Variants in REDIC1 observed in about 807,000 individuals in gnomAD.
REDIC1 encodes the protein regulator of DNA class I crossover intermediates 1.
chr12:39,697,696 C>A, the REDIC1 span, among the ~76,000 whole-genome samples: 4 of 152,100 alleles, frequency 2.6e-5, no homozygotes, highest in Admixed American at 6.6e-5. Flanking sequence ...AGCTTAAAAT[C>A]ATGAGTTCTA....
the REDIC1 span, among the ~76,000 whole-genome samples, chr12:39,651,758 A>G: frequency 2.0e-5 from 3 of 152,198 alleles, no homozygotes; most frequent in Non-Finnish European, 4.4e-5. Context: ...CATAAAATAA[A>G]CTAAACTTAT....
At chr12:39,699,091 C>T in the REDIC1 span, among the ~76,000 whole-genome samples, 3 of 152,066 alleles carry the variant, frequency 2.0e-5, no homozygotes, top group African/African-American at 7.2e-5. Context: ...AAACATTTAT[C>T]TAGACTAAGA....
the REDIC1 span, among the ~76,000 whole-genome samples, chr12:39,687,635 T>C: frequency 1.3e-5 from 2 of 152,208 alleles, no homozygotes; most frequent in Non-Finnish European, 2.9e-5. Context: ...TCTCCAACAC[T>C]GGGGATTATA....
the REDIC1 span, among the ~76,000 whole-genome samples, chr12:39,827,967 T>G: frequency 1.3e-5 from 2 of 152,124 alleles, no homozygotes; most frequent in Non-Finnish European, 2.9e-5. Context: ...CTAGAGATAG[T>G]ATATCTCTAG....
the REDIC1 span, among the ~76,000 whole-genome samples, chr12:39,881,016 A>T: frequency 3.9e-5 from 6 of 152,366 alleles, no homozygotes; most frequent in African/African-American, 1.4e-4. Flanking sequence ...GTTACATGTG[A>T]TTGTTCCCAA....
the REDIC1 span, among the ~76,000 whole-genome samples, chr12:39,897,605 G>C: frequency 5.4e-4 from 82 of 152,258 alleles, no homozygotes; most frequent in African/African-American, 1.8e-3. Context: ...CCAACCACAT[G>C]CAGCTCTTGA....
chr12:39,774,897 A>G, the REDIC1 span, among the ~76,000 whole-genome samples: 1 of 152,218 alleles, frequency 6.6e-6, no homozygotes, highest in Admixed American at 6.5e-5. Flanking sequence ...AAATTAAAAC[A>G]ATGATAACAT....
the REDIC1 span, among the ~76,000 whole-genome samples, chr12:39,630,267 A>C: frequency 6.6e-6 from 1 of 152,238 alleles, no homozygotes; most frequent in Non-Finnish European, 1.5e-5. Flanking sequence ...GCAAAATGCT[A>C]TTCAGAATCA....
chr12:39,730,645 C>T, the REDIC1 span, among the ~76,000 whole-genome samples: 3 of 152,248 alleles, frequency 2.0e-5, no homozygotes, highest in South Asian at 4.2e-4. Context: ...CTTGGGGTTG[C>T]TCTTCTTGAG....
At chr12:39,839,672 C>T in the REDIC1 span, among the ~76,000 whole-genome samples, 5 of 151,950 alleles carry the variant, frequency 3.3e-5, no homozygotes, top group African/African-American at 1.2e-4. Flanking sequence ...TTTCTTTCTC[C>T]TTTGCTTCTG....
the REDIC1 span, among the ~76,000 whole-genome samples, chr12:39,836,316 G>A: frequency 1.3e-5 from 2 of 152,066 alleles, no homozygotes; most frequent in African/African-American, 2.4e-5. Context: ...GGAAATTAGA[G>A]TCCAGGCAAG....
At chr12:39,664,738 T>C in the REDIC1 span, among the ~76,000 whole-genome samples, 12 of 152,366 alleles carry the variant, frequency 7.9e-5, no homozygotes, top group East Asian at 2.3e-3. Flanking sequence ...CCAGCATCTG[T>C]TGTTTCCTGG....
the REDIC1 span, among the ~76,000 whole-genome samples, chr12:39,847,266 T>C: frequency 6.8e-6 from 1 of 146,556 alleles, no homozygotes; most frequent in African/African-American, 2.5e-5. Context: ...GTAGCAAAGA[T>C]TGCTAGTGGC....
the REDIC1 span, among the ~76,000 whole-genome samples, chr12:39,653,573 T>TTTC: frequency 1.6e-5 from 1 of 63,524 alleles, no homozygotes; most frequent in African/African-American, 5.3e-5. Flanking sequence ...TCTTCTTCTT[T>TTTC]TTCTTCCTCT....
chr12:39,900,991 A>T, the REDIC1 span, among the ~76,000 whole-genome samples: 8 of 152,266 alleles, frequency 5.3e-5, no homozygotes, highest in East Asian at 1.5e-3. Context: ...CAAAACAGAG[A>T]TATAGATCAA....
chr12:39,742,823 T>C, the REDIC1 span, among the ~76,000 whole-genome samples: 6 of 152,204 alleles, frequency 3.9e-5, no homozygotes, highest in Non-Finnish European at 8.8e-5. Flanking sequence ...GGAAAATTGC[T>C]GTCCCCCAAA....
At chr12:39,879,256 A>G in the REDIC1 span, among the ~76,000 whole-genome samples, 1 of 152,216 alleles carries the variant, frequency 6.6e-6, no homozygotes, top group African/African-American at 2.4e-5. Flanking sequence ...CCAAGGGGAA[A>G]TGTGGGGTTG....
At chr12:39,715,742 G>T in the REDIC1 span, among the ~76,000 whole-genome samples, 3 of 151,824 alleles carry the variant, frequency 2.0e-5, no homozygotes, top group African/African-American at 7.3e-5. Flanking sequence ...CATGCCCTTT[G>T]CTGTACTGTT....
chr12:39,703,681 A>G, the REDIC1 span, among the ~76,000 whole-genome samples: 12 of 152,218 alleles, frequency 7.9e-5, no homozygotes, highest in East Asian at 3.8e-4. Flanking sequence ...TTCAAACTAT[A>G]CTACAAGGCT....
Sources: gnomAD v4.1 joint callset for allele counts (sites outside exome capture counted in the v4.1 genomes callset) on GRCh38, gnomAD v4.1.1 for gene constraint, MANE v1.5 for transcripts, NCBI Gene and HGNC (gene_info 2026-07-23, HGNC 2026-07-21) for gene names.